Variants in GRHL2 observed in about 807,000 individuals in gnomAD.
GRHL2 encodes grainyhead-like protein 2 homolog.
GRHL2 carries 21 observed loss-of-function variants against 83.8 expected under a neutral mutation model. The observed-to-expected ratio is 0.25, with a 90% confidence interval of 0.18 to 0.36. GRHL2 has a LOEUF of 0.36. Among genes scored for constraint, GRHL2 ranks in the 10% least tolerant of loss-of-function variants. The probability of loss-of-function intolerance (pLI) is 1.00; values close to 1 mark genes in which losing one functional copy is unlikely to be tolerated. For missense variants in GRHL2, 623 were observed against 781.8 expected, an observed-to-expected ratio of 0.80 and a Z score of 2.42; for synonymous variants, 280 against 278.9, an observed-to-expected ratio of 1.00 and a Z score of -0.04.
chr8:101,551,415 G>A (rs1207105701), intron 2 of GRHL2, among the ~76,000 whole-genome samples: 1 of 152,036 alleles, frequency 6.6e-6, no homozygotes, highest in African/African-American at 2.4e-5. Flanking sequence ...TCTAGGTCTG[G>A]ACTCTTGGTC....
At chr8:101,521,796 A>G (rs567827661) in intron 1 of GRHL2, among the ~76,000 whole-genome samples, 1 of 152,322 alleles carries the variant, frequency 6.6e-6, no homozygotes, top group South Asian at 2.1e-4. Flanking sequence ...AGTTTTAAAA[A>G]TGTAATTTTT....
intron 11 of GRHL2, among the ~76,000 whole-genome samples, chr8:101,634,740 A>G (rs1271321113): frequency 6.6e-6 from 1 of 152,142 alleles, no homozygotes; most frequent in African/African-American, 2.4e-5. Flanking sequence ...TTGTTCACTC[A>G]AGGACATGAC....
chr8:101,584,977 G>A (rs1812133792), intron 7 of GRHL2, among the ~76,000 whole-genome samples: 1 of 151,808 alleles, frequency 6.6e-6, no homozygotes, highest in African/African-American at 2.4e-5. Flanking sequence ...GTAGCCAAGT[G>A]GTCAGGTAGT....
chr8:101,566,262 G>A (rs74582419), intron 4 of GRHL2, among the ~76,000 whole-genome samples: 2,161 of 152,084 alleles, frequency 0.014, 56 homozygotes, highest in African/African-American at 0.049. Context: ...TACCTTAGGA[G>A]GATTTAAATC....
intron 1 of GRHL2, among the ~76,000 whole-genome samples, chr8:101,530,647 T>G (rs759253263): frequency 6.6e-6 from 1 of 152,220 alleles, no homozygotes; most frequent in Non-Finnish European, 1.5e-5. Flanking sequence ...CCCCATTCAA[T>G]TCATTCAATA....
At chr8:101,610,292 C>T (rs1812722024) in intron 8 of GRHL2, among the ~76,000 whole-genome samples, 2 of 150,948 alleles carry the variant, frequency 1.3e-5, no homozygotes, top group South Asian at 4.1e-4. Flanking sequence ...AACTAATCTA[C>T]CTTTGGATCA....
chr8:101,577,816 C>G (rs773197146), intron 7 of GRHL2, among the ~76,000 whole-genome samples: 2 of 152,210 alleles, frequency 1.3e-5, no homozygotes, highest in Admixed American at 1.3e-4. Context: ...ATGGCCTCCC[C>G]GTTTGAGCCT....
chr8:101,548,154 T>TATCC (rs1346309835), intron 2 of GRHL2, among the ~76,000 whole-genome samples: 1 of 152,092 alleles, frequency 6.6e-6, no homozygotes, highest in African/African-American at 2.4e-5. Context: ...TCTATCCATC[T>TATCC]ATCCATCCAT....
At chr8:101,570,232 C>T (rs1396639235) in intron 4 of GRHL2, 107 bp from the exon 5 acceptor site, 1 of 963,926 alleles carries the variant, frequency 1.0e-6, no homozygotes, top group Non-Finnish European at 1.7e-6. Context: ...AAATACATAA[C>T]TTTATTTTCT....
At chr8:101,553,338 C>A (rs987302935) in intron 3 of GRHL2, among the ~76,000 whole-genome samples, 3 of 152,166 alleles carry the variant, frequency 2.0e-5, no homozygotes, top group Non-Finnish European at 4.4e-5. Flanking sequence ...AAGGCACAGT[C>A]AGATAAATTA....
At chr8:101,671,719 G>C (rs1373908580), downstream of GRHL2, among the ~76,000 whole-genome samples, 1 of 152,228 alleles carries the variant, frequency 6.6e-6, no homozygotes, top group African/African-American at 2.4e-5. Context: ...CTGGAGATCT[G>C]AGAACGGGCA....
chr8:101,517,902 C>T (rs1810603628), intron 1 of GRHL2, among the ~76,000 whole-genome samples: 1 of 152,174 alleles, frequency 6.6e-6, no homozygotes. Flanking sequence ...CATTTTTGTG[C>T]AGCAGTGACA....
intron 14 of GRHL2, among the ~76,000 whole-genome samples, chr8:101,649,789 C>T (rs865973824): frequency 2.0e-5 from 3 of 151,782 alleles, no homozygotes; most frequent in Non-Finnish European, 2.9e-5. Context: ...GGTATGAAAC[C>T]GAATTAGATA....
At chr8:101,536,660 C>A (rs1811051428) in intron 1 of GRHL2, among the ~76,000 whole-genome samples, 1 of 152,192 alleles carries the variant, frequency 6.6e-6, no homozygotes, top group South Asian at 2.1e-4. Flanking sequence ...ACATAAGGTT[C>A]AGCCTTGAGT....
At chr8:101,619,400 A>C (rs1812918088) in intron 8 of GRHL2, 139 bp from the exon 9 acceptor site, 1 of 702,076 alleles carries the variant, frequency 1.4e-6, no homozygotes, top group Non-Finnish European at 2.5e-6. Flanking sequence ...GCATGTTTTT[A>C]TGTGAAAAGA....
chr8:101,649,118 AAG>A (rs1190820440), intron 13 of GRHL2, among the ~76,000 whole-genome samples: 11 of 152,190 alleles, frequency 7.2e-5, no homozygotes, highest in Non-Finnish European at 1.3e-4. Context: ...AGGTTGCAAA[AAG>A]AGATGCGATG....
Position 101,580,878 on chromosome 8 carries a change from T to C in GRHL2, c.1003+3359T>C, listed in dbSNP as rs184138804. On this transcript the variant is annotated intron_variant, in intron 7 of 15. Transcript: ENST00000646743. ...GCCACCACGCCCAGCTAATTTTTTG[T>C]ATTTTTAGTAGAGACGGGGTTTCAC... is the stretch of plus-strand genomic sequence containing the variant. Among the ~76,000 whole-genome samples, 11 of 152,120 alleles carry C rather than the reference T, an allele frequency of 7.2e-5. No individual in the cohort carries two copies. The East Asian group carries it at 2.2e-3, about 30-fold the overall frequency.
intron 7 of GRHL2, among the ~76,000 whole-genome samples, chr8:101,586,798 T>C (rs1188745539): frequency 6.6e-6 from 1 of 152,206 alleles, no homozygotes; most frequent in East Asian, 1.9e-4. Flanking sequence ...CTGTGCCTGG[T>C]TCACTGAGAA....
intron 12 of GRHL2, among the ~76,000 whole-genome samples, chr8:101,643,485 G>T (rs775268006): frequency 6.6e-6 from 1 of 152,146 alleles, no homozygotes; most frequent in Non-Finnish European, 1.5e-5. Flanking sequence ...GCCGAGCTGG[G>T]GACATGCAAG....
Sources: gnomAD v4.1 joint callset for allele counts (sites outside exome capture counted in the v4.1 genomes callset) on GRCh38, gnomAD v4.1.1 for gene constraint, MANE v1.5 for transcripts, NCBI Gene and HGNC (gene_info 2026-07-23, HGNC 2026-07-21) for gene names.